The following CACNA1C variants were observed in gnomAD, a reference collection of about 807,000 sequenced individuals.
The protein encoded by CACNA1C is calcium voltage-gated channel subunit alpha1 C, also known as voltage-dependent L-type calcium channel subunit alpha-1C.
CACNA1C carries 30 observed loss-of-function variants against 229.0 expected under a neutral mutation model. That is an observed-to-expected ratio of 0.13 (90% CI 0.10 to 0.18). The LOEUF is 0.18. Among genes scored for constraint, CACNA1C ranks in the 10% least tolerant of loss-of-function variants. The pLI is 1.00. For missense variants in CACNA1C, 1,658 were observed against 2,845.0 expected (o/e 0.58, Z 9.49); for synonymous variants, 1,114 against 1,132.5 (o/e 0.98, Z 0.33).
intron 3 of CACNA1C, among the ~76,000 whole-genome samples, chr12:2,129,664 C>T (rs2091598091): frequency 6.6e-6 from 1 of 152,186 alleles, no homozygotes; most frequent in Non-Finnish European, 1.5e-5. Flanking sequence ...TTTTCTGGGA[C>T]TATACAATTC....
At chr12:2,196,656 G>A (rs964120683) in intron 3 of CACNA1C, among the ~76,000 whole-genome samples, 1 of 152,206 alleles carries the variant, frequency 6.6e-6, no homozygotes, top group Non-Finnish European at 1.5e-5. Flanking sequence ...CTCCCTGAAG[G>A]CCTTCAGTGG....
chr12:1,974,716 T>A (rs2033746904), intron 1 of CACNA1C, among the ~76,000 whole-genome samples: 1 of 152,142 alleles, frequency 6.6e-6, no homozygotes, highest in Admixed American at 6.5e-5. Flanking sequence ...CAAGCTTACA[T>A]ATATAAGCAC....
chr12:2,641,113 G>A (rs2093645053), intron 30 of CACNA1C, among the ~76,000 whole-genome samples: 1 of 152,256 alleles, frequency 6.6e-6, no homozygotes, highest in South Asian at 2.1e-4. Context: ...GATGAGGAAG[G>A]AGGGTAGAGA....
chr12:2,360,058 A>G (rs1030549785), intron 3 of CACNA1C, among the ~76,000 whole-genome samples: 1 of 151,956 alleles, frequency 6.6e-6, no homozygotes, highest in African/African-American at 2.4e-5. Flanking sequence ...CGTAGTAAAA[A>G]ATACAATTTC....
At chr12:2,517,309 G>A (rs2099799028) in intron 9 of CACNA1C, among the ~76,000 whole-genome samples, 1 of 152,220 alleles carries the variant, frequency 6.6e-6, no homozygotes, top group South Asian at 2.1e-4. Flanking sequence ...TGGCCATCAG[G>A]AAACCAGAAA....
chr12:2,484,054 C>T (rs1423521626), intron 5 of CACNA1C, among the ~76,000 whole-genome samples: 1 of 152,192 alleles, frequency 6.6e-6, no homozygotes, highest in Non-Finnish European at 1.5e-5. Flanking sequence ...AAAGAACAGG[C>T]ACAGTCCCTC....
chr12:1,990,013 T>C (rs560975241), intron 1 of CACNA1C, among the ~76,000 whole-genome samples: 1 of 152,324 alleles, frequency 6.6e-6, no homozygotes, highest in East Asian at 1.9e-4. Flanking sequence ...AACTAAGTGT[T>C]TGTAAATGAT....
rs149381405 is a variant in CACNA1C, at chr12:2,027,298, G to T, written c.139+56097G>T. Among the ~76,000 whole-genome samples, 237 of 152,180 alleles carry T rather than the reference G, an allele frequency of 1.6e-3. 1 individual carries two copies. Among genetic ancestry groups the T allele is most frequent in the African/African-American group, 5.5e-3 (228 of 41,518 alleles). ...CTACATAATTGTTTCTTGGTTAATT[G>T]GTTCAGATGCTACATTGTTTCCAAA... On this transcript the variant is annotated intron_variant, in intron 1 of 46. Coordinates refer to the CACNA1C transcript ENST00000682462.
chr12:2,369,096 T>C (rs571765565), intron 3 of CACNA1C, among the ~76,000 whole-genome samples: 1 of 152,300 alleles, frequency 6.6e-6, no homozygotes, highest in East Asian at 1.9e-4. Flanking sequence ...GCCAGAGCCA[T>C]AAAATAATGC....
chr12:2,174,041 C>T lies in CACNA1C; in HGVS notation c.477+53611C>T, dbSNP rs185981051. Among the ~76,000 whole-genome samples, 369 of 152,158 alleles carry T rather than the reference C, an allele frequency of 2.4e-3. 3 individuals carry two copies. The highest frequency in any genetic ancestry group is 2.3e-3 in the Non-Finnish European group (158 of 68,004). On this transcript the variant is annotated intron_variant, in intron 3 of 46. Coordinates refer to ENST00000399655, the MANE Select transcript of CACNA1C (RefSeq NM_000719.7). ...AGTTTTAATACTTCCCACACAAGTT[C>T]ACAGATTTATTACATAATATGTTTA...
At chr12:2,428,653 G>A (rs2099054906) in intron 3 of CACNA1C, among the ~76,000 whole-genome samples, 1 of 152,176 alleles carries the variant, frequency 6.6e-6, no homozygotes, top group Non-Finnish European at 1.5e-5. Context: ...ACTTATCTGT[G>A]CTGTGACACT....
rs756273121 is a variant in CACNA1C at position 2,115,469 on chromosome 12, C to T, written c.295C>T (p.Arg99Cys). The T allele has an allele frequency of 3.7e-6, 6 of 1,613,404 alleles. No homozygotes were observed. The highest frequency in any genetic ancestry group is 1.1e-5 in the South Asian group (1 of 91,086). ...PKKQGSTTAT[R>C]PPRALLCLTL... ...GAAGCAGGGCAGCACCACGGCCACACGCCCGCCCCGAGCCCTGCTCTGCCT... is the reference window on the plus strand; with the variant it reads ...GAAGCAGGGCAGCACCACGGCCACATGCCCGCCCCGAGCCCTGCTCTGCCT... Residue 99 changes from arginine to cysteine, a missense_variant, in exon 2 of 47, where the codon CGC becomes TGC. Around this residue, in one of 20 missense-constraint regions of CACNA1C, gnomAD observed 89 missense variants for 177.8 expected, o/e 0.50. Coordinates refer to ENST00000399655, the MANE Select transcript of CACNA1C (RefSeq NM_000719.7).
At chr12:2,089,229 C>A (rs2069102341) in intron 1 of CACNA1C, among the ~76,000 whole-genome samples, 1 of 152,190 alleles carries the variant, frequency 6.6e-6, no homozygotes, top group African/African-American at 2.4e-5. Context: ...CTTCCGTAAG[C>A]CCTAAACCAC....
chr12:2,301,144 G>A (rs1226096674), intron 3 of CACNA1C, among the ~76,000 whole-genome samples: 1 of 152,172 alleles, frequency 6.6e-6, no homozygotes, highest in Non-Finnish European at 1.5e-5. Context: ...CGGCCCAAGA[G>A]CACTATCTGC....
intron 18 of CACNA1C, among the ~76,000 whole-genome samples, chr12:2,590,794 G>A (rs1041135191): frequency 7.2e-5 from 11 of 152,146 alleles, no homozygotes; most frequent in African/African-American, 2.7e-4. Flanking sequence ...ATTAAAATAA[G>A]CATAAAATTA....
intron 3 of CACNA1C, among the ~76,000 whole-genome samples, chr12:2,349,286 T>G (rs1468314840): frequency 6.6e-6 from 1 of 152,172 alleles, no homozygotes; most frequent in Non-Finnish European, 1.5e-5. Flanking sequence ...GAGTGGAACC[T>G]TGGTGTGGAA....
intron 3 of CACNA1C, among the ~76,000 whole-genome samples, chr12:2,238,336 C>T (rs1042867183): frequency 6.6e-6 from 1 of 152,198 alleles, no homozygotes; most frequent in South Asian, 2.1e-4. Flanking sequence ...TAAGCTTTCA[C>T]TTAATATAGA....
At chr12:2,366,088 A>G (rs1316555271) in intron 3 of CACNA1C, among the ~76,000 whole-genome samples, 2 of 152,224 alleles carry the variant, frequency 1.3e-5, no homozygotes, top group Non-Finnish European at 2.9e-5. Flanking sequence ...CATAGTATAA[A>G]ATGGACCAAT....
chr12:1,994,536 A>G (rs768151266), intron 1 of CACNA1C, among the ~76,000 whole-genome samples: 1 of 152,202 alleles, frequency 6.6e-6, no homozygotes, highest in Non-Finnish European at 1.5e-5. Flanking sequence ...CATGATCATC[A>G]CTTCAACTTA....
Sources: allele counts gnomAD v4.1 joint callset (sites outside exome capture counted in the v4.1 genomes callset), GRCh38; gene constraint gnomAD v4.1.1; regional missense constraint gnomAD v4.1.1; transcripts MANE v1.5; gene names NCBI Gene and HGNC (gene_info 2026-07-23, HGNC 2026-07-21).